The following PDE8B variants were observed in gnomAD, a reference collection of about 807,000 sequenced individuals.
The protein encoded by PDE8B is phosphodiesterase 8B.
A neutral mutation model predicts 101.3 loss-of-function variants in PDE8B; 26 were observed. The ratio of observed to expected loss-of-function variants is 0.26; its 90% confidence interval spans 0.19 to 0.36. The LOEUF (loss-of-function observed/expected upper bound fraction) is 0.36, where lower values mean the gene tolerates loss of function less well. Among genes scored for constraint, PDE8B ranks in the 10% least tolerant of loss-of-function variants. The pLI is 1.00. For synonymous variants in PDE8B, 424 were observed against 429.3 expected (o/e 0.99, Z 0.15); for missense variants, 810 against 1,163.1 (o/e 0.70, Z 4.42).
chr5:77,367,809 G>A (rs1028442900), intron 10 of PDE8B, among the ~76,000 whole-genome samples: 4 of 152,172 alleles, frequency 2.6e-5, no homozygotes, highest in African/African-American at 4.8e-5. Flanking sequence ...GATTACAGGC[G>A]TGAGCCACCA....
At chr5:77,224,670 A>G (rs1751929476) in intron 1 of PDE8B, among the ~76,000 whole-genome samples, 1 of 152,256 alleles carries the variant, frequency 6.6e-6, no homozygotes, top group South Asian at 2.1e-4. Context: ...CCTATCTCAT[A>G]AACATTTTCA....
intron 12 of PDE8B, among the ~76,000 whole-genome samples, chr5:77,406,085 G>A (rs1301800659): frequency 1.3e-5 from 2 of 152,038 alleles, no homozygotes; most frequent in African/African-American, 4.8e-5. Context: ...TCAGGAGTTC[G>A]AGGCCAGCCT....
At chr5:77,149,850 A>G in the PDE8B span, among the ~76,000 whole-genome samples, 1 of 152,204 alleles carries the variant, frequency 6.6e-6, no homozygotes, top group African/African-American at 2.4e-5. Context: ...TTAATGAGCT[A>G]TTATGTCTTC....
At chr5:77,121,355 C>T in the PDE8B span, among the ~76,000 whole-genome samples, 1 of 152,140 alleles carries the variant, frequency 6.6e-6, no homozygotes, top group East Asian at 1.9e-4. Flanking sequence ...ACATGGCATC[C>T]CCCAGAGTGA....
the PDE8B span, chr5:77,147,338 T>C: frequency 6.0e-6 from 1 of 167,142 alleles, no homozygotes. Context: ...TAGATAGCCC[T>C]GTCCTGGTGT....
intron 20 of PDE8B, 103 bp from the exon 21 acceptor site, chr5:77,425,664 C>A: frequency 8.4e-7 from 1 of 1,194,780 alleles, no homozygotes. Context: ...ATTGAGAAAA[C>A]TGGATAATGA....
At chr5:77,419,638 C>A in intron 18 of PDE8B, 129 bp from the exon 19 acceptor site, 1 of 1,064,426 alleles carries the variant, frequency 9.4e-7, no homozygotes, top group Non-Finnish European at 1.4e-6. Context: ...TTCTTGTGAT[C>A]TGCACACATT....
chr5:77,210,808 C>G lies in PDE8B; in HGVS notation c.-118C>G. 1 of 983,972 alleles carries G rather than the reference C, an allele frequency of 1.0e-6. No individual in the cohort carries two copies. Among genetic ancestry groups the G allele is most frequent in the Non-Finnish European group, 1.2e-6 (1 of 830,732 alleles). 61.0% of individuals were successfully genotyped at this position (983,972 alleles called of 1,614,324 possible). ...CCGACGGAGCGGCGGACACACAGGC[C>G]GGGGGGCGCGCAGTCCGGGCGCCGC... On this transcript the variant is annotated 5_prime_UTR_variant, in exon 1 of 22. Coordinates refer to ENST00000264917, the MANE Select transcript of PDE8B (RefSeq NM_003719.5). The surrounding 1 kb of genome is among the most constrained non-coding windows in gnomAD (Gnocchi z 4.9).
At chr5:77,122,574 G>T in the PDE8B span, among the ~76,000 whole-genome samples, 2,457 of 152,258 alleles carry the variant, frequency 0.016, 78 homozygotes, top group African/African-American at 0.054. Context: ...GGTGAGGGGG[G>T]CAATCCTACT....
chr5:77,183,417 C>T, the PDE8B span, among the ~76,000 whole-genome samples: 67 of 152,214 alleles, frequency 4.4e-4, no homozygotes, highest in Non-Finnish European at 7.9e-4. Flanking sequence ...TGTGCCTGGG[C>T]GCTACTATTT....
chr5:77,091,431 G>A, the PDE8B span, among the ~76,000 whole-genome samples: 40 of 152,278 alleles, frequency 2.6e-4, no homozygotes, highest in African/African-American at 8.4e-4. Flanking sequence ...CCTGAGGTCA[G>A]GAGTTCAAGA....
At chr5:77,274,369 C>T (rs1406143513) in intron 1 of PDE8B, among the ~76,000 whole-genome samples, 2 of 152,128 alleles carry the variant, frequency 1.3e-5, no homozygotes, top group Non-Finnish European at 2.9e-5. Flanking sequence ...TATCTGATTC[C>T]AAAGCTTTCC....
chr5:77,245,032 A>G (rs1756573702), intron 1 of PDE8B, among the ~76,000 whole-genome samples: 1 of 152,248 alleles, frequency 6.6e-6, no homozygotes, highest in Admixed American at 6.5e-5. Flanking sequence ...GCAAGGGGAA[A>G]ATACTGTATC....
At chr5:77,420,059 G>A (rs1017803170) in intron 19 of PDE8B, among the ~76,000 whole-genome samples, 172 bp downstream of exon 19, 2 of 152,192 alleles carry the variant, frequency 1.3e-5, no homozygotes. Flanking sequence ...AAAATAAACT[G>A]TGTCCACAGC....
intron 1 of PDE8B, among the ~76,000 whole-genome samples, chr5:77,266,282 A>G (rs1561440605): frequency 6.6e-6 from 1 of 152,240 alleles, no homozygotes; most frequent in African/African-American, 2.4e-5. Flanking sequence ...AGATCGAACA[A>G]GGGGATGTTC....
the PDE8B span, among the ~76,000 whole-genome samples, chr5:77,100,600 G>A: frequency 5.9e-5 from 9 of 152,180 alleles, no homozygotes; most frequent in African/African-American, 1.7e-4. Flanking sequence ...AGACCTGGGA[G>A]GCAACCCTTG....
chr5:77,290,439 G>A, intron 1 of PDE8B: 1 of 1,449,682 alleles, frequency 6.9e-7, no homozygotes, highest in East Asian at 2.3e-5. Context: ...GGCCAGTGTG[G>A]CAGACTATGA....
At chr5:77,191,680 C>T in the PDE8B span, among the ~76,000 whole-genome samples, 1 of 152,148 alleles carries the variant, frequency 6.6e-6, no homozygotes, top group African/African-American at 2.4e-5. Context: ...AAGCAGCGGT[C>T]CCCAACCTTT....
the PDE8B span, chr5:77,148,113 T>A: frequency 6.6e-6 from 1 of 152,186 alleles, no homozygotes; most frequent in Admixed American, 6.5e-5. Context: ...TTATATACAC[T>A]TATATAGTCA....
Sources: gnomAD v4.1 joint callset for allele counts (sites outside exome capture counted in the v4.1 genomes callset) on GRCh38, gnomAD v4.1.1 for gene constraint, Gnocchi (gnomAD v3.1) non-coding constraint, MANE v1.5 for transcripts, NCBI Gene and HGNC (gene_info 2026-07-23, HGNC 2026-07-21) for gene names.